Variants in MACROD2 observed in about 807,000 individuals in gnomAD.
The protein encoded by MACROD2 is mono-ADP ribosylhydrolase 2.
MACROD2 carries 36 observed loss-of-function variants against 70.4 expected under a neutral mutation model. That is an observed-to-expected ratio of 0.51 (90% confidence interval 0.39 to 0.68). The LOEUF is 0.68. Among genes scored for constraint, MACROD2 ranks in the 30% least tolerant of loss-of-function variants. MACROD2 has a pLI of 0.00. For synonymous variants in MACROD2, 172 were observed against 178.8 expected (o/e 0.96, Z 0.30); for missense variants, 496 against 538.4 (o/e 0.92, Z 0.78).
At chr20:15,470,968 C>A (rs1392796682) in intron 7 of MACROD2, among the ~76,000 whole-genome samples, 1 of 152,168 alleles carries the variant, frequency 6.6e-6, no homozygotes, top group Non-Finnish European at 1.5e-5. Flanking sequence ...CCCAACTCAT[C>A]TCTATTCTTG....
chr20:14,762,891 C>T (rs2072035578), intron 5 of MACROD2, among the ~76,000 whole-genome samples: 1 of 152,022 alleles, frequency 6.6e-6, no homozygotes, highest in Non-Finnish European at 1.5e-5. Context: ...GATTGCGCCA[C>T]TGCACTCCAG....
chr20:14,812,101 C>G (rs1007266999), intron 5 of MACROD2, among the ~76,000 whole-genome samples: 29 of 152,164 alleles, frequency 1.9e-4, no homozygotes, highest in African/African-American at 6.7e-4. Context: ...GATTGTAAAT[C>G]ATTCTACTAT....
At position 15,104,500 on chromosome 20, in the gene MACROD2, T is replaced by G. The variant is rs866202336; in HGVS notation, c.419-125440T>G. On this transcript the variant is annotated intron_variant, in intron 5 of 17. Transcript: ENST00000684519. Reference sequence around the variant, plus strand: ...AGAAACATTGAAGACTGCAAAAAGATGGAATGGAAAGAAGATTGCCATCAA... The same window carrying G: ...AGAAACATTGAAGACTGCAAAAAGAGGGAATGGAAAGAAGATTGCCATCAA... Among the ~76,000 whole-genome samples, 9 of 152,264 alleles carry G rather than the reference T, an allele frequency of 5.9e-5. No homozygotes were observed. The South Asian group carries it at 1.0e-3, about 18-fold the overall frequency.
At chr20:15,221,737 T>A (rs2040644013) in intron 5 of MACROD2, among the ~76,000 whole-genome samples, 2 of 152,286 alleles carry the variant, frequency 1.3e-5, no homozygotes, top group South Asian at 4.1e-4. Context: ...TGAATGATAT[T>A]TTATAACGTG....
At chr20:15,976,746 G>GA (rs11475903) in intron 13 of MACROD2, among the ~76,000 whole-genome samples, 1 of 151,870 alleles carries the variant, frequency 6.6e-6, no homozygotes, top group African/African-American at 2.4e-5. Flanking sequence ...AGAAAAATGA[G>GA]AAAAAAAATT....
intron 3 of MACROD2, among the ~76,000 whole-genome samples, chr20:14,434,208 C>T (rs1046767350): frequency 6.6e-6 from 1 of 152,040 alleles, no homozygotes; most frequent in East Asian, 1.9e-4. Flanking sequence ...ATCTATTTGA[C>T]GTTACTTGTA....
intron 15 of MACROD2, among the ~76,000 whole-genome samples, chr20:16,020,882 A>G (rs1049234121): frequency 1.3e-5 from 2 of 152,138 alleles, no homozygotes; most frequent in East Asian, 3.9e-4. Context: ...TTCATCTTAC[A>G]TTAATTTACA....
intron 3 of MACROD2, among the ~76,000 whole-genome samples, chr20:14,100,504 A>C (rs1180677200): frequency 6.7e-6 from 1 of 149,178 alleles, no homozygotes; most frequent in African/African-American, 2.4e-5. Flanking sequence ...AAAATATAGA[A>C]TAGTATAAAG....
chr20:14,572,087 T>C (rs1331113907), intron 4 of MACROD2, among the ~76,000 whole-genome samples: 1 of 152,112 alleles, frequency 6.6e-6, no homozygotes, highest in Non-Finnish European at 1.5e-5. Flanking sequence ...CTAGATTTTA[T>C]AGTCCTGCTG....
At chr20:15,860,600 T>C (rs2064412285) in intron 8 of MACROD2, among the ~76,000 whole-genome samples, 1 of 152,146 alleles carries the variant, frequency 6.6e-6, no homozygotes, top group African/African-American at 2.4e-5. Flanking sequence ...TTCAAATATA[T>C]ATAAAAGTAT....
At chr20:14,525,568 T>C (rs1312834940) in intron 4 of MACROD2, among the ~76,000 whole-genome samples, 1 of 152,208 alleles carries the variant, frequency 6.6e-6, no homozygotes, top group Non-Finnish European at 1.5e-5. Flanking sequence ...TGCCCAGGCT[T>C]GTCAGACTCT....
rs556210715 is a variant in MACROD2, at chr20:14,346,607, CTTTGTT to C, written c.272-146869_272-146864del. 2.4e-3 allele frequency among the ~76,000 whole-genome samples: 368 copies of C among 152,302 alleles called. 1 individual carries two copies. Among genetic ancestry groups the C allele is most frequent in the Non-Finnish European group, 4.1e-3 (281 of 68,026 alleles). On this transcript the variant is annotated intron_variant, in intron 3 of 17. Transcript: ENST00000684519. ...ACTTTATCCAACTTACTAGCATTCT[CTTTGTT>C]TTGTTTAGATTGATTTTACTATCAT... is the stretch of plus-strand genomic sequence containing the variant.
chr20:14,304,957 T>C (rs73092405), intron 3 of MACROD2, among the ~76,000 whole-genome samples: 256 of 152,260 alleles, frequency 1.7e-3, no homozygotes, highest in Non-Finnish European at 2.6e-3. Flanking sequence ...ACTAGTTGAG[T>C]AATTTTCAGT....
chr20:15,786,253 T>C (rs1181916905), intron 8 of MACROD2, among the ~76,000 whole-genome samples: 1 of 151,692 alleles, frequency 6.6e-6, no homozygotes, highest in East Asian at 1.9e-4. Context: ...TAATAATTTA[T>C]GTTGCTCAGA....
chr20:15,381,359 C>T (rs376309214), intron 6 of MACROD2, among the ~76,000 whole-genome samples: 1 of 151,586 alleles, frequency 6.6e-6, no homozygotes, highest in African/African-American at 2.4e-5. Context: ...CAGACTATAT[C>T]CCCCACAACT....
At chr20:15,655,935 G>T (rs139656216) in intron 8 of MACROD2, among the ~76,000 whole-genome samples, 2 of 152,072 alleles carry the variant, frequency 1.3e-5, no homozygotes, top group African/African-American at 4.8e-5. Context: ...TCTTTGTTAC[G>T]AATTAAGTCT....
chr20:15,310,807 T>C (rs1437366911), intron 6 of MACROD2, among the ~76,000 whole-genome samples: 4 of 152,128 alleles, frequency 2.6e-5, no homozygotes, highest in South Asian at 4.1e-4. Flanking sequence ...CGCACTCAGA[T>C]AACAGAAAGG....
At chr20:15,298,259 A>G (rs1178499830) in intron 6 of MACROD2, among the ~76,000 whole-genome samples, 1 of 152,188 alleles carries the variant, frequency 6.6e-6, no homozygotes, top group Non-Finnish European at 1.5e-5. Flanking sequence ...CCTATGAGAT[A>G]ATGCATGTAA....
At chr20:15,013,877 G>A (rs576842260) in intron 5 of MACROD2, among the ~76,000 whole-genome samples, 140 of 152,300 alleles carry the variant, frequency 9.2e-4, no homozygotes, top group African/African-American at 3.3e-3. Context: ...ATCACTCTGA[G>A]CAGAAGGATG....
Sources: allele counts gnomAD v4.1 joint callset (sites outside exome capture counted in the v4.1 genomes callset), GRCh38; gene constraint gnomAD v4.1.1; transcripts MANE v1.5; gene names NCBI Gene and HGNC (gene_info 2026-07-23, HGNC 2026-07-21).